Variants in APTX observed in about 807,000 individuals in gnomAD.
APTX encodes aprataxin, also known as forkhead-associated domain histidine triad-like protein.
Under a neutral mutation model 42.3 loss-of-function variants are expected in APTX, and 33 were observed. That is an observed-to-expected ratio of 0.78 (90% CI 0.59 to 1.04). The LOEUF (loss-of-function observed/expected upper bound fraction) is 1.04, where lower values mean the gene tolerates loss of function less well. APTX is among the 50% of genes least tolerant of loss of function. The pLI is 0.00. For missense variants in APTX, 421 were observed against 415.1 expected (o/e 1.01, Z -0.12); for synonymous variants, 130 against 146.7 (o/e 0.89, Z 0.82).
At chr9:32,994,700 ATGATC>A (rs1296713429) in intron 1 of APTX, among the ~76,000 whole-genome samples, 1 of 152,202 alleles carries the variant, frequency 6.6e-6, no homozygotes, top group African/African-American at 2.4e-5. Flanking sequence ...ATCTGTTACA[ATGATC>A]TGTGATCAGT....
At chr9:32,977,570 C>T (rs1332495094) in intron 6 of APTX, among the ~76,000 whole-genome samples, 1 of 151,852 alleles carries the variant, frequency 6.6e-6, no homozygotes, top group Non-Finnish European at 1.5e-5. Flanking sequence ...GTGGCTCACA[C>T]CTGTAATCCC....
intron 1 of APTX, chr9:33,024,782 T>C (rs1838719273): frequency 1.3e-5 from 2 of 149,840 alleles, no homozygotes; most frequent in South Asian, 2.1e-4. Flanking sequence ...GCCTATGCTA[T>C]TGGTCTGGGG....
At chr9:32,985,324 CTGTTT>C (rs1356403156) in intron 5 of APTX, among the ~76,000 whole-genome samples, 2 of 103,126 alleles carry the variant, frequency 1.9e-5, no homozygotes, top group Admixed American at 1.2e-4. Context: ...AGGATGATGC[CTGTTT>C]TTTTTTTTTT....
intron 6 of APTX, among the ~76,000 whole-genome samples, chr9:32,977,766 G>A (rs1013245304): frequency 3.9e-5 from 6 of 152,050 alleles, no homozygotes; most frequent in African/African-American, 7.2e-5. Flanking sequence ...AGGAGGCAGG[G>A]GTTTCAGGGA....
At chr9:33,003,826 CAT>C (rs71973803), upstream of APTX, among the ~76,000 whole-genome samples, 10,729 of 152,234 alleles carry the variant, frequency 0.07, 511 homozygotes, top group Non-Finnish European at 0.11. Flanking sequence ...CACATTGTAT[CAT>C]GTGTAAAAAG....
At chr9:32,982,045 T>G (rs768539974) in intron 6 of APTX, among the ~76,000 whole-genome samples, 2 of 150,470 alleles carry the variant, frequency 1.3e-5, no homozygotes, top group Non-Finnish European at 3.0e-5. Flanking sequence ...AGACACCACC[T>G]TAACAAAATG....
At chr9:33,002,667 C>A (rs757606663), upstream of APTX, among the ~76,000 whole-genome samples, 2 of 152,208 alleles carry the variant, frequency 1.3e-5, no homozygotes, top group African/African-American at 4.8e-5. Context: ...AATCTCTCTT[C>A]CACTGCAAAA....
intron 1 of APTX, chr9:32,997,384 T>C (rs1357391978): frequency 2.0e-5 from 3 of 151,966 alleles, no homozygotes; most frequent in African/African-American, 7.3e-5. Context: ...ATTATGTTAA[T>C]AGTAGATGTG....
At chr9:33,017,506 C>T (rs1404583444) in intron 1 of APTX, among the ~76,000 whole-genome samples, 1 of 152,060 alleles carries the variant, frequency 6.6e-6, no homozygotes, top group Non-Finnish European at 1.5e-5. Context: ...AATCCCATGA[C>T]GTAGTCACTT....
rs749988599 is a variant in APTX, at chr9:32,986,032, TAAAAAAAAAACAA to T, written c.484-15_484-3del. On this transcript the variant is annotated splice_polypyrimidine_tract_variant and splice_region_variant and intron_variant, in intron 4 of 7. Coordinates refer to ENST00000379817, the MANE Select transcript of APTX (RefSeq NM_001195248.2). ...TTGACTCCAGTGGCCCAGGGATTCC[TAAAAAAAAAACAA>T]AAAAAAAAACAAAAAAAAAAAAAAA... The T allele has an allele frequency of 2.6e-3, 1,912 of 732,532 alleles. 5 individuals carry two copies. The highest frequency in any genetic ancestry group is 4.1e-3 in the African/African-American group (84 of 20,594). 45.4% of individuals were successfully genotyped at this position (732,532 alleles called of 1,614,324 possible). A position where few individuals can be genotyped will look rare whatever the true frequency, so the allele number is the denominator to read the frequency against.
intron 1 of APTX, among the ~76,000 whole-genome samples, chr9:32,992,414 ACCT>A (rs1007327305): frequency 1.3e-5 from 2 of 152,146 alleles, no homozygotes; most frequent in African/African-American, 4.8e-5. Flanking sequence ...GCTTCCAGAA[ACCT>A]CCTGGTTAGA....
upstream of APTX, among the ~76,000 whole-genome samples, chr9:33,005,353 T>TTTC (rs144042301): frequency 0.07 from 10,712 of 152,272 alleles, 503 homozygotes; most frequent in Non-Finnish European, 0.11. Context: ...TCCCTTATGT[T>TTTC]TTCTAAGAGT....
intron 1 of APTX, among the ~76,000 whole-genome samples, chr9:33,010,371 T>C (rs575603419): frequency 6.6e-6 from 1 of 152,122 alleles, no homozygotes; most frequent in African/African-American, 2.4e-5. Flanking sequence ...TCTGAGCAAC[T>C]TCTACATGTC....
At chr9:33,001,344 G>T (rs1189366081) in intron 1 of APTX, 1 of 1,526,862 alleles carries the variant, frequency 6.5e-7, no homozygotes, top group East Asian at 2.5e-5. Context: ...GGTGTCGGGA[G>T]CACACGTGAA....
intron 1 of APTX, among the ~76,000 whole-genome samples, chr9:33,007,757 G>T (rs1837260787): frequency 1.3e-5 from 2 of 151,684 alleles, no homozygotes; most frequent in East Asian, 3.9e-4. Context: ...TAAGTGTAAT[G>T]AAAACGATAT....
At chr9:32,985,344 T>G (rs1158167594) in intron 5 of APTX, among the ~76,000 whole-genome samples, 6 of 149,180 alleles carry the variant, frequency 4.0e-5, no homozygotes, top group African/African-American at 1.5e-4. Context: ...TTTTTTTTTT[T>G]TTTTTTTGAG....
intron 1 of APTX, among the ~76,000 whole-genome samples, chr9:33,013,617 T>C (rs189884790): frequency 1.8e-4 from 28 of 152,142 alleles, no homozygotes; most frequent in African/African-American, 5.3e-4. Context: ...CCATCCTGGC[T>C]AACACGGTGA....
chr9:33,005,834 C>A (rs1282953873), upstream of APTX, among the ~76,000 whole-genome samples: 3 of 152,108 alleles, frequency 2.0e-5, no homozygotes, highest in East Asian at 5.8e-4. Flanking sequence ...AAAAGACTGC[C>A]CTTTCCTCAC....
At chr9:33,019,884 G>A (rs536107630) in intron 1 of APTX, 17 of 602,320 alleles carry the variant, frequency 2.8e-5, no homozygotes, top group Admixed American at 7.9e-5. Context: ...TCGGCATCTG[G>A]AGCCAGGGAC....
Sources: gnomAD v4.1 joint callset for allele counts (sites outside exome capture counted in the v4.1 genomes callset) on GRCh38, gnomAD v4.1.1 for gene constraint, MANE v1.5 for transcripts, NCBI Gene and HGNC (gene_info 2026-07-23, HGNC 2026-07-21) for gene names.